ABCB7: variants seen among roughly 807,000 people sequenced by gnomAD.
ABCB7 encodes ATP binding cassette subfamily B member 7, also known as iron-sulfur clusters transporter ABCB7, mitochondrial.
Under a neutral mutation model 54.4 loss-of-function variants are expected in ABCB7, and 7 were observed. The ratio of observed to expected loss-of-function variants is 0.13; its 90% CI spans 0.07 to 0.24. The LOEUF is 0.24. Among genes scored for constraint, ABCB7 ranks in the 10% least tolerant of loss-of-function variants. The pLI is 1.00. For missense variants in ABCB7, 356 were observed against 570.4 expected (o/e 0.62, Z 3.83); for synonymous variants, 218 against 207.1 (o/e 1.05, Z -0.45).
chrX:75,116,438 A>G (rs745347529), intron 1 of ABCB7, among the ~76,000 whole-genome samples: 59 of 110,541 alleles, frequency 5.3e-4, no homozygotes, highest in Non-Finnish European at 1.0e-3. Context: ...CTGTAAATTG[A>G]GACCTGTCTC....
At chrX:75,083,007 G>A (rs1288772596) in intron 4 of ABCB7, among the ~76,000 whole-genome samples, 2 of 111,313 alleles carry the variant, frequency 1.8e-5, no homozygotes, top group Admixed American at 1.9e-4. Flanking sequence ...ATATTACAAT[G>A]ATCAACAAAA....
rs863223864 is a variant in ABCB7 at position 75,069,334 on chromosome X, G to A, written c.1486C>T (p.Pro496Ser). Residue 496 changes from proline to serine, a missense_variant, in exon 11 of 16, where the codon CCT (proline) becomes TCT (serine). Transcript: ENST00000373394. ...ACAATGGCCACTTTCTTTCCTGCAGGGACTTCAAAGGATATTCCACTAAGG... is the reference window on the plus strand; with the variant it reads ...ACAATGGCCACTTTCTTTCCTGCAGAGACTTCAAAGGATATTCCACTAAGG... ...KVLSGISFEV[P>S]AGKKVAIVGG... 2.5e-6 allele frequency: 3 copies of A among 1,210,927 alleles called. No homozygotes were observed. The Admixed American group carries it at 6.5e-5, about 26-fold the overall frequency.
intron 1 of ABCB7, among the ~76,000 whole-genome samples, chrX:75,141,475 A>G (rs2082053300): frequency 2.7e-5 from 3 of 110,854 alleles, no homozygotes; most frequent in Non-Finnish European, 5.7e-5. Flanking sequence ...TTTACACTGA[A>G]TATTAGATCA....
chrX:75,064,996 TAAA>T (rs1229348368), intron 13 of ABCB7, 71 bp downstream of exon 13: 1 of 1,128,326 alleles, frequency 8.9e-7, no homozygotes, highest in Admixed American at 2.4e-5. Context: ...TTACATTTTC[TAAA>T]AAATGGCTCT....
intron 4 of ABCB7, among the ~76,000 whole-genome samples, chrX:75,094,885 CT>C (rs2081577898): frequency 9.1e-6 from 1 of 110,424 alleles, no homozygotes; most frequent in Non-Finnish European, 1.9e-5. Context: ...AGTAGAACCG[CT>C]AAAATACATC....
At chrX:75,064,960 A>C in intron 13 of ABCB7, 110 bp downstream of exon 13, 1 of 900,162 alleles carries the variant, frequency 1.1e-6, no homozygotes, top group Non-Finnish European at 1.6e-6. Flanking sequence ...ATGTGACTCA[A>C]CGAGCACTAC....
chrX:75,113,565 G>GT (rs2081781120), intron 2 of ABCB7, among the ~76,000 whole-genome samples: 1 of 111,704 alleles, frequency 9.0e-6, no homozygotes, highest in African/African-American at 3.3e-5. Flanking sequence ...ATCAGAGACA[G>GT]TGTCTTTTAT....
At chrX:75,102,013 G>C (rs1198566867) in intron 3 of ABCB7, among the ~76,000 whole-genome samples, 1 of 111,119 alleles carries the variant, frequency 9.0e-6, no homozygotes. Context: ...TTTTTAACTG[G>C]AGACCAAACC....
chrX:75,113,526 C>T (rs2081780711), intron 2 of ABCB7, among the ~76,000 whole-genome samples: 1 of 111,582 alleles, frequency 9.0e-6, no homozygotes, highest in African/African-American at 3.3e-5. Flanking sequence ...ACTGTTTTGC[C>T]TTTCTTATTA....
intron 1 of ABCB7, among the ~76,000 whole-genome samples, chrX:75,122,942 G>A (rs2081893516): frequency 9.3e-6 from 1 of 107,150 alleles, no homozygotes; most frequent in African/African-American, 3.4e-5. Context: ...CCCCTTATCA[G>A]ATATGTGATT....
intron 1 of ABCB7, among the ~76,000 whole-genome samples, chrX:75,130,875 A>C (rs1411658367): frequency 9.0e-6 from 1 of 111,702 alleles, no homozygotes; most frequent in Non-Finnish European, 1.9e-5. Flanking sequence ...ATTAACAACT[A>C]TTTACTGAAG....
intron 1 of ABCB7, among the ~76,000 whole-genome samples, chrX:75,147,057 A>C (rs1302644091): frequency 2.4e-4 from 26 of 107,945 alleles, no homozygotes; most frequent in African/African-American, 8.7e-4. Flanking sequence ...CAAGCACACA[A>C]AAAAAAAAAT....
intron 1 of ABCB7, among the ~76,000 whole-genome samples, chrX:75,115,323 C>T (rs764982119): frequency 2.0e-5 from 2 of 97,654 alleles, no homozygotes; most frequent in Admixed American, 1.1e-4. Context: ...ATTTGTGGTC[C>T]GGGTATGAAG....
chrX:75,116,953 G>A (rs749680282), intron 1 of ABCB7, among the ~76,000 whole-genome samples: 58 of 110,904 alleles, frequency 5.2e-4, no homozygotes, highest in Non-Finnish European at 8.9e-4. Context: ...ATACCATGGC[G>A]ACATCAGGAA....
intron 4 of ABCB7, among the ~76,000 whole-genome samples, chrX:75,098,219 G>T (rs1281863877): frequency 9.2e-6 from 1 of 108,875 alleles, no homozygotes; most frequent in Non-Finnish European, 1.9e-5. Flanking sequence ...TGAGGCAGGA[G>T]AATTGCTTGA....
At chrX:75,122,506 T>C (rs1190629778) in intron 1 of ABCB7, among the ~76,000 whole-genome samples, 1 of 112,904 alleles carries the variant, frequency 8.9e-6, no homozygotes, top group Non-Finnish European at 1.9e-5. Flanking sequence ...CTCTTTGATA[T>C]GCTGATTTCA....
chrX:75,076,778 G>A, intron 4 of ABCB7, 124 bp from the exon 5 acceptor site: 1 of 818,078 alleles, frequency 1.2e-6, no homozygotes, highest in Non-Finnish European at 1.7e-6. Context: ...TGGTATTAGA[G>A]TGATTTTCCC....
intron 1 of ABCB7, among the ~76,000 whole-genome samples, chrX:75,152,166 G>A (rs925052226): frequency 4.5e-5 from 5 of 111,949 alleles, no homozygotes; most frequent in African/African-American, 1.6e-4. Flanking sequence ...AGTCTTTATT[G>A]GTCTCCTAAT....
chrX:75,102,437 T>C (rs1304895549), intron 3 of ABCB7, among the ~76,000 whole-genome samples: 1 of 111,558 alleles, frequency 9.0e-6, no homozygotes, highest in Non-Finnish European at 1.9e-5. Context: ...TGTCTTTCTG[T>C]GTCTGACTTA....
Sources: allele counts gnomAD v4.1 joint callset (sites outside exome capture counted in the v4.1 genomes callset), GRCh38; gene constraint gnomAD v4.1.1; transcripts MANE v1.5; gene names NCBI Gene and HGNC (gene_info 2026-07-23, HGNC 2026-07-21).